The following FA2H variants were observed in gnomAD, a reference collection of about 807,000 sequenced individuals.
The protein encoded by FA2H is fatty acid 2-hydroxylase.
FA2H carries 22 observed loss-of-function variants against 44.9 expected under a neutral mutation model. The ratio of observed to expected loss-of-function variants is 0.49; its 90% CI spans 0.35 to 0.70. The LOEUF is 0.70. Ranked by LOEUF, FA2H falls within the 30% of genes least tolerant of loss-of-function variation. The probability of loss-of-function intolerance (pLI) is 0.01; values close to 1 mark genes in which losing one functional copy is unlikely to be tolerated. For missense variants in FA2H, 501 were observed against 504.9 expected (o/e 0.99, Z 0.07); for synonymous variants, 243 against 213.2 (o/e 1.14, Z -1.22).
intron 1 of FA2H, among the ~76,000 whole-genome samples, chr16:74,744,325 G>T (rs1421211202): frequency 6.6e-6 from 1 of 152,056 alleles, no homozygotes; most frequent in Non-Finnish European, 1.5e-5. Flanking sequence ...TATTTAAAAG[G>T]TTCTCCTGGT....
chr16:74,746,626 A>C (rs1962430070), intron 1 of FA2H, among the ~76,000 whole-genome samples: 1 of 152,204 alleles, frequency 6.6e-6, no homozygotes, highest in Non-Finnish European at 1.5e-5. Context: ...GAACCAACAC[A>C]TATGAATATA....
chr16:74,734,499 GGGTCCATGCCCCTCCCCCAGCCTGCTC>G (rs1045640196), intron 2 of FA2H, among the ~76,000 whole-genome samples: 1 of 152,230 alleles, frequency 6.6e-6, no homozygotes, highest in Non-Finnish European at 1.5e-5. Context: ...CGACTGTGTG[GGGTCCATGCCCCTCCCCCAGCCTGCTC>G]GGTCCCTGCC....
At chr16:74,771,148 A>C (rs1962898312) in intron 1 of FA2H, among the ~76,000 whole-genome samples, 1 of 152,158 alleles carries the variant, frequency 6.6e-6, no homozygotes, top group Non-Finnish European at 1.5e-5. Flanking sequence ...TGTCAGTCTC[A>C]ACCTCTCTTA....
chr16:74,757,144 A>T (rs150708041), intron 1 of FA2H, among the ~76,000 whole-genome samples: 127 of 152,330 alleles, frequency 8.3e-4, no homozygotes, highest in African/African-American at 2.9e-3. Context: ...CTAAGGAGAG[A>T]TTATAAATCA....
chr16:74,762,341 C>T (rs564651810), intron 1 of FA2H, among the ~76,000 whole-genome samples: 1 of 152,294 alleles, frequency 6.6e-6, no homozygotes, highest in South Asian at 2.1e-4. Flanking sequence ...CCGTGCCCGG[C>T]CCATACAATT....
chr16:74,747,411 C>T (rs1328305231), intron 1 of FA2H, among the ~76,000 whole-genome samples: 1 of 152,066 alleles, frequency 6.6e-6, no homozygotes. Flanking sequence ...AGGCCATGCA[C>T]CAAGGGCGTT....
At chr16:74,716,865 A>G (rs1014089487) in intron 5 of FA2H, 1 of 505,832 alleles carries the variant, frequency 2.0e-6, no homozygotes, top group Non-Finnish European at 3.6e-6. Flanking sequence ...GATGGGCAGG[A>G]TGGGTGGGGT....
intron 1 of FA2H, among the ~76,000 whole-genome samples, chr16:74,748,085 C>T (rs557789480): frequency 3.3e-5 from 5 of 152,212 alleles, no homozygotes; most frequent in Admixed American, 2.0e-4. Context: ...CACAGATGGC[C>T]CCGGGGGGAC....
At chr16:74,729,628 C>G (rs1962035364) in intron 2 of FA2H, among the ~76,000 whole-genome samples, 1 of 152,160 alleles carries the variant, frequency 6.6e-6, no homozygotes. Context: ...ACTAGAAGCC[C>G]TTGAGGATTT....
At chr16:74,771,651 T>G (rs1962909192) in intron 1 of FA2H, among the ~76,000 whole-genome samples, 1 of 152,058 alleles carries the variant, frequency 6.6e-6, no homozygotes, top group African/African-American at 2.4e-5. Context: ...CACTCAGTTT[T>G]TCTTATATCT....
rs1457913663 is a variant in FA2H at position 74,713,482 on chromosome 16, G to C, written c.*708C>G. The C allele has an allele frequency of 6.6e-6, 1 of 152,280 alleles. No individual in the cohort carries two copies. The highest frequency in any genetic ancestry group is 2.4e-5 in the African/African-American group (1 of 41,458). The allele number at this position is 152,280 out of a possible 1,614,324, so 9.4% of individuals were successfully genotyped here. A position where few individuals can be genotyped will look rare whatever the true frequency, so the allele number is the denominator to read the frequency against. ...GGGTGGGGCTGCCACTGGTGGAGAA[G>C]CCTCCTCAGCCTCCCTTGGGGAGAA... On this transcript the variant is annotated 3_prime_UTR_variant, in exon 7 of 7. Coordinates refer to ENST00000219368, the MANE Select transcript of FA2H (RefSeq NM_024306.5).
At chr16:74,741,773 A>ATATATAT (rs1962300724) in intron 1 of FA2H, among the ~76,000 whole-genome samples, 1 of 48,056 alleles carries the variant, frequency 2.1e-5, no homozygotes, top group Non-Finnish European at 3.6e-5. Context: ...CACCTGATTA[A>ATATATAT]ATATATATAT....
intron 1 of FA2H, among the ~76,000 whole-genome samples, chr16:74,753,401 G>T (rs754825060): frequency 1.3e-5 from 2 of 152,122 alleles, no homozygotes; most frequent in African/African-American, 4.8e-5. Context: ...ATAACCCCAC[G>T]AACAGCAGGG....
intron 1 of FA2H, among the ~76,000 whole-genome samples, chr16:74,769,653 T>G (rs866867341): frequency 6.6e-6 from 1 of 152,184 alleles, no homozygotes; most frequent in Non-Finnish European, 1.5e-5. Flanking sequence ...CACAGTAATA[T>G]AGCCTGGGAA....
chr16:74,764,399 C>A (rs572177009), intron 1 of FA2H, among the ~76,000 whole-genome samples: 3 of 152,092 alleles, frequency 2.0e-5, no homozygotes, highest in Non-Finnish European at 4.4e-5. Context: ...CAAAAAAGAA[C>A]GAGATCATGT....
intron 1 of FA2H, among the ~76,000 whole-genome samples, chr16:74,764,708 T>C (rs1211956096): frequency 6.6e-6 from 1 of 151,368 alleles, no homozygotes; most frequent in African/African-American, 2.4e-5. Flanking sequence ...TGCACATGTA[T>C]TGCTGAACTT....
chr16:74,730,169 G>T (rs947566121), intron 2 of FA2H, among the ~76,000 whole-genome samples: 3 of 152,260 alleles, frequency 2.0e-5, no homozygotes, highest in Admixed American at 2.0e-4. Flanking sequence ...GAGCAGGGGG[G>T]TGGGGGTCCT....
chr16:74,734,894 C>T (rs572459945), intron 2 of FA2H, among the ~76,000 whole-genome samples: 9 of 152,348 alleles, frequency 5.9e-5, no homozygotes, highest in African/African-American at 2.2e-4. Context: ...AAGAAATGTC[C>T]ACCCAAACTC....
At chr16:74,744,816 G>A (rs1025679672) in intron 1 of FA2H, among the ~76,000 whole-genome samples, 5 of 152,084 alleles carry the variant, frequency 3.3e-5, no homozygotes, top group East Asian at 1.9e-4. Context: ...AAACTCCTAA[G>A]CTCAAGCAAT....
Sources: gnomAD v4.1 joint callset for allele counts (sites outside exome capture counted in the v4.1 genomes callset) on GRCh38, gnomAD v4.1.1 for gene constraint, MANE v1.5 for transcripts, NCBI Gene and HGNC (gene_info 2026-07-23, HGNC 2026-07-21) for gene names.